Variants in PLXDC2 observed in about 807,000 individuals in gnomAD.
The protein encoded by PLXDC2 is plexin domain-containing protein 2.
Under a neutral mutation model 68.9 loss-of-function variants are expected in PLXDC2, and 40 were observed. The ratio of observed to expected loss-of-function variants is 0.58; its 90% CI spans 0.45 to 0.76. The LOEUF is 0.76. PLXDC2 is among the 30% of genes least tolerant of loss of function. PLXDC2 has a pLI of 0.00. For missense variants in PLXDC2, 644 were observed against 661.9 expected (o/e 0.97, Z 0.30); for synonymous variants, 243 against 234.2 (o/e 1.04, Z -0.34).
At chr10:19,839,784 A>G (rs1836869797) in intron 1 of PLXDC2, among the ~76,000 whole-genome samples, 1 of 152,182 alleles carries the variant, frequency 6.6e-6, no homozygotes, top group African/African-American at 2.4e-5. Context: ...ACTCTTTAGA[A>G]TGTAGATTTT....
intron 12 of PLXDC2, among the ~76,000 whole-genome samples, chr10:20,226,591 A>G (rs991046146): frequency 1.3e-5 from 2 of 152,240 alleles, no homozygotes; most frequent in African/African-American, 4.8e-5. Context: ...AATAAAAGAA[A>G]AAGAAAAATC....
intron 12 of PLXDC2, among the ~76,000 whole-genome samples, chr10:20,226,806 C>G (rs1835293154): frequency 6.6e-6 from 1 of 152,116 alleles, no homozygotes; most frequent in South Asian, 2.1e-4. Context: ...TTGGTGGATA[C>G]CTACTTTCCT....
Position 20,177,425 on chromosome 10 carries a change from TA to T in PLXDC2, c.1061+18del, listed in dbSNP as rs781511314. 26 of 1,212,940 alleles carry T rather than the reference TA, an allele frequency of 2.1e-5. No homozygotes were observed. The highest frequency in any genetic ancestry group is 2.5e-5 in the Non-Finnish European group (23 of 905,196). 75.1% of individuals were successfully genotyped at this position (1,212,940 alleles called of 1,614,324 possible). On this transcript the variant is annotated intron_variant, in intron 9 of 13. Coordinates refer to ENST00000377252, the MANE Select transcript of PLXDC2 (RefSeq NM_032812.9). ...AACTTCAAAGGTAAAAATATAATAA[TA>T]AGAATAATAATAAAATTTAAAAAGA...
intron 2 of PLXDC2, among the ~76,000 whole-genome samples, chr10:20,031,996 T>C (rs1231327861): frequency 1.3e-5 from 2 of 152,012 alleles, no homozygotes; most frequent in South Asian, 2.1e-4. Flanking sequence ...ATTTTTTGTA[T>C]TTTTTGTAGA....
At chr10:20,032,590 T>C (rs771431371) in intron 2 of PLXDC2, among the ~76,000 whole-genome samples, 3 of 152,026 alleles carry the variant, frequency 2.0e-5, no homozygotes, top group Non-Finnish European at 4.4e-5. Context: ...ATAGAAACAA[T>C]CTGAGCAAGT....
intron 1 of PLXDC2, among the ~76,000 whole-genome samples, chr10:19,945,378 C>T (rs138136495): frequency 2.0e-5 from 3 of 152,292 alleles, no homozygotes; most frequent in African/African-American, 4.8e-5. Flanking sequence ...TTGTAGCAGA[C>T]CAAAGTCATG....
intron 6 of PLXDC2, among the ~76,000 whole-genome samples, chr10:20,149,667 T>A (rs1252422954): frequency 1.3e-5 from 2 of 152,160 alleles, no homozygotes; most frequent in Non-Finnish European, 2.9e-5. Context: ...TGAGAACATT[T>A]GGTATTTGGT....
At chr10:20,150,205 A>G (rs1395102671) in intron 6 of PLXDC2, among the ~76,000 whole-genome samples, 1 of 152,292 alleles carries the variant, frequency 6.6e-6, no homozygotes, top group African/African-American at 2.4e-5. Flanking sequence ...ATGGTGTCCT[A>G]CAGAATCTTC....
chr10:20,026,478 G>T (rs1318985984), intron 2 of PLXDC2, among the ~76,000 whole-genome samples: 1 of 152,096 alleles, frequency 6.6e-6, no homozygotes, highest in East Asian at 1.9e-4. Flanking sequence ...AAAAATAAGT[G>T]AAGTGGTATC....
In PLXDC2 at chr10:19,928,512, G is replaced by A. The variant is rs999747203; in HGVS notation, c.113-73263G>A. 9.2e-5 allele frequency among the ~76,000 whole-genome samples: 14 copies of A among 152,224 alleles called. No individual in the cohort carries two copies. In the East Asian group the frequency reaches 1.5e-3, roughly 17 times the overall value. ...GTTTATTGCAAAATTTGGAAAAATG[G>A]GTAAGTAAGCAGAATAAATTAAGAG... On this transcript the variant is annotated intron_variant, in intron 1 of 13. Coordinates refer to ENST00000377252, the MANE Select transcript of PLXDC2 (RefSeq NM_032812.9).
chr10:20,044,544 A>G (rs553064001), intron 2 of PLXDC2, among the ~76,000 whole-genome samples: 54 of 152,004 alleles, frequency 3.6e-4, no homozygotes, highest in East Asian at 7.8e-4. Context: ...TCCTGACCTC[A>G]GGTGATCCAC....
intron 1 of PLXDC2, among the ~76,000 whole-genome samples, chr10:19,996,453 G>T (rs1279983963): frequency 6.6e-6 from 1 of 152,142 alleles, no homozygotes; most frequent in Non-Finnish European, 1.5e-5. Context: ...GGGCATGGTG[G>T]TGTGCACCTG....
intron 12 of PLXDC2, among the ~76,000 whole-genome samples, chr10:20,223,184 CAG>C (rs1403656630): frequency 2.0e-5 from 3 of 152,060 alleles, no homozygotes; most frequent in East Asian, 1.9e-4. Flanking sequence ...GACAAGGAAA[CAG>C]AGGTACAAAA....
At chr10:19,862,684 C>A (rs1455020553) in intron 1 of PLXDC2, among the ~76,000 whole-genome samples, 1 of 152,216 alleles carries the variant, frequency 6.6e-6, no homozygotes, top group Non-Finnish European at 1.5e-5. Flanking sequence ...AACAGCTACT[C>A]ATTTTTCTTT....
At chr10:20,098,342 C>T (rs1394515078) in intron 4 of PLXDC2, among the ~76,000 whole-genome samples, 2 of 101,748 alleles carry the variant, frequency 2.0e-5, no homozygotes, top group African/African-American at 3.7e-5. Context: ...CCGTCATTTT[C>T]GTGCGTGTGT....
At chr10:19,859,458 A>G (rs1837278645) in intron 1 of PLXDC2, among the ~76,000 whole-genome samples, 1 of 152,252 alleles carries the variant, frequency 6.6e-6, no homozygotes, top group African/African-American at 2.4e-5. Flanking sequence ...TTATTTTCAT[A>G]TTACATATTG....
At position 20,147,789 on chromosome 10, in the gene PLXDC2, G is replaced by A. The variant is rs763332822; in HGVS notation, c.670G>A (p.Ala224Thr). The A allele has an allele frequency of 5.0e-6, 8 of 1,600,266 alleles. No individual in the cohort carries two copies. Among genetic ancestry groups the A allele is most frequent in the Non-Finnish European group, 6.0e-6 (7 of 1,167,736 alleles). Residue 224 changes from alanine to threonine, a missense_variant, in exon 6 of 14, where the codon GCA becomes ACA. Transcript: ENST00000377252. ...TTTTTTCAATGGGTGTATAGGCACA[G>A]CACTTGTGGTCCAGTGGGACCATGT... ...STVRYFDNGT[A>T]LVVQWDHVHL... is the part of the protein sequence containing the mutation.
chr10:20,108,323 C>A (rs533431745), intron 4 of PLXDC2, among the ~76,000 whole-genome samples: 3 of 152,252 alleles, frequency 2.0e-5, no homozygotes, highest in East Asian at 3.9e-4. Context: ...ACCAATTTTC[C>A]TTCTTGGAAA....
intron 1 of PLXDC2, among the ~76,000 whole-genome samples, chr10:19,989,879 A>T (rs1423342730): frequency 3.3e-5 from 5 of 151,592 alleles, no homozygotes; most frequent in Admixed American, 3.3e-4. Context: ...CCTCACGAGT[A>T]GCTGTGATTG....
Sources: gnomAD v4.1 joint callset for allele counts (sites outside exome capture counted in the v4.1 genomes callset) on GRCh38, gnomAD v4.1.1 for gene constraint, MANE v1.5 for transcripts, NCBI Gene and HGNC (gene_info 2026-07-23, HGNC 2026-07-21) for gene names.